ZNF248: variants seen among roughly 807,000 people sequenced by gnomAD.
ZNF248 encodes the protein zinc finger protein 248, also known as KRAB protein domain.
ZNF248 carries 20 observed loss-of-function variants against 44.3 expected under a neutral mutation model. The ratio of observed to expected loss-of-function variants is 0.45; its 90% confidence interval spans 0.32 to 0.66. The LOEUF is 0.66. Ranked by LOEUF, ZNF248 falls within the 30% of genes least tolerant of loss-of-function variation. The pLI, the probability that ZNF248 is intolerant of heterozygous loss-of-function variation, is 0.04. For missense variants in ZNF248, 654 were observed against 677.0 expected, an observed-to-expected ratio of 0.97 and a Z score of 0.38; for synonymous variants, 224 against 229.0, an observed-to-expected ratio of 0.98 and a Z score of 0.20.
chr10:37,777,953 G>C (rs2046793379), intron 6 of ZNF248, among the ~76,000 whole-genome samples: 1 of 151,814 alleles, frequency 6.6e-6, no homozygotes, highest in Non-Finnish European at 1.5e-5. Context: ...CATTTGGGTT[G>C]GTTCCAAGTC....
At chr10:37,774,329 C>T (rs2046414792), downstream of ZNF248, among the ~76,000 whole-genome samples, 1 of 152,192 alleles carries the variant, frequency 6.6e-6, no homozygotes, top group South Asian at 2.1e-4. Flanking sequence ...AAAAATCCTA[C>T]AGAAAATTAA....
chr10:37,839,656 A>G (rs1274451064), intron 3 of ZNF248, among the ~76,000 whole-genome samples: 3 of 152,202 alleles, frequency 2.0e-5, no homozygotes, highest in Admixed American at 6.5e-5. Flanking sequence ...GCATTTAACG[A>G]AAGACTATCA....
chr10:37,796,668 A>AT (rs898004294), intron 6 of ZNF248, among the ~76,000 whole-genome samples: 17 of 149,028 alleles, frequency 1.1e-4, no homozygotes, highest in African/African-American at 3.7e-4. Flanking sequence ...ACCAAATCCC[A>AT]TTTTCCCCCT....
chr10:37,849,944 G>A (rs544829727), intron 3 of ZNF248, among the ~76,000 whole-genome samples: 15 of 152,130 alleles, frequency 9.9e-5, no homozygotes, highest in African/African-American at 3.4e-4. Context: ...GGTGGCAGGT[G>A]CCTGTAATCC....
chr10:37,763,624 G>A, the ZNF248 span, among the ~76,000 whole-genome samples: 3 of 152,136 alleles, frequency 2.0e-5, no homozygotes, highest in Non-Finnish European at 4.4e-5. Context: ...ATTAAAGTAA[G>A]GATTTTAATG....
intron 6 of ZNF248, among the ~76,000 whole-genome samples, chr10:37,789,108 G>C (rs553031551): frequency 1.3e-5 from 2 of 152,238 alleles, no homozygotes; most frequent in South Asian, 4.1e-4. Flanking sequence ...TATAGACACA[G>C]GGCAGATCAG....
In ZNF248 at chr10:37,832,826, C is replaced by G. The variant is rs1420289394; in HGVS notation, c.529G>C (p.Asp177His). Reference sequence around the variant, plus strand: ...ATAGGGATTTTCTCATGCCTAATATCAAGGAGCAATTTCTCACATACATTA... The same window carrying G: ...ATAGGGATTTTCTCATGCCTAATATGAAGGAGCAATTTCTCACATACATTA... ...EFNVCEKLLL[D>H]IRHEKIPIGE... The change falls in exon 6 of 6, where the codon GAT becomes CAT. Residue 177 changes from aspartate (D) to histidine (H), a missense_variant. Transcript: ENST00000395867. 1 of 1,613,832 alleles carries G rather than the reference C, an allele frequency of 6.2e-7. No individual in the cohort carries two copies. The highest frequency in any genetic ancestry group is 2.2e-5 in the East Asian group (1 of 44,852).
chr10:37,812,031 T>A (rs1175792167), intron 6 of ZNF248, among the ~76,000 whole-genome samples: 2 of 151,706 alleles, frequency 1.3e-5, no homozygotes, highest in African/African-American at 4.8e-5. Flanking sequence ...AGCCCAGGAG[T>A]TCGAGACCAG....
downstream of ZNF248, among the ~76,000 whole-genome samples, chr10:37,771,631 G>A (rs1207243191): frequency 4.4e-5 from 6 of 137,478 alleles, no homozygotes; most frequent in Admixed American, 7.5e-5. Context: ...TTGTGGGGTG[G>A]AGGGAGGGGG....
chr10:37,793,581 G>A (rs2048808260), intron 6 of ZNF248, among the ~76,000 whole-genome samples: 1 of 152,068 alleles, frequency 6.6e-6, no homozygotes, highest in Non-Finnish European at 1.5e-5. Context: ...AATTCAGTGG[G>A]TCTAGTTCTA....
intron 3 of ZNF248, among the ~76,000 whole-genome samples, chr10:37,850,821 G>A (rs1225716310): frequency 1.3e-5 from 2 of 151,726 alleles, no homozygotes; most frequent in Non-Finnish European, 2.9e-5. Context: ...AATAGATGAA[G>A]TACTTAAATA....
chr10:37,818,751 G>A, intron 6 of ZNF248: 1 of 669,366 alleles, frequency 1.5e-6, no homozygotes, highest in Non-Finnish European at 2.6e-6. Context: ...CCTCCTTTTG[G>A]TAGGCCAAAC....
the ZNF248 span, among the ~76,000 whole-genome samples, chr10:37,759,934 AG>A: frequency 7.9e-5 from 12 of 152,124 alleles, no homozygotes; most frequent in Non-Finnish European, 1.6e-4. Flanking sequence ...GGCAGGGAGG[AG>A]GCAAAATCAG....
intron 6 of ZNF248, among the ~76,000 whole-genome samples, chr10:37,817,562 A>C (rs1332452011): frequency 6.6e-6 from 1 of 152,006 alleles, no homozygotes; most frequent in African/African-American, 2.4e-5. Flanking sequence ...GAGGGAAGCA[A>C]TTGCAAACAG....
intron 6 of ZNF248, among the ~76,000 whole-genome samples, chr10:37,822,325 GAAC>G (rs979030515): frequency 2.0e-5 from 3 of 151,938 alleles, no homozygotes; most frequent in African/African-American, 7.3e-5. Flanking sequence ...CTGAAAACGA[GAAC>G]AACAATTAAA....
the ZNF248 span, among the ~76,000 whole-genome samples, chr10:37,766,804 C>T: frequency 6.6e-6 from 1 of 152,104 alleles, no homozygotes; most frequent in Non-Finnish European, 1.5e-5. Context: ...GAGAAGAAGG[C>T]TTCAGATGAT....
At chr10:37,765,294 T>C in the ZNF248 span, among the ~76,000 whole-genome samples, 1 of 152,128 alleles carries the variant, frequency 6.6e-6, no homozygotes, top group South Asian at 2.1e-4. Context: ...CTTGAGCTGT[T>C]TAGGGAATGG....
intron 3 of ZNF248, among the ~76,000 whole-genome samples, chr10:37,855,330 G>A (rs1148292): frequency 0.042 from 6,446 of 152,194 alleles, 187 homozygotes; most frequent in Middle Eastern, 0.092. Context: ...ATGAACAGAG[G>A]AAGGGAGTGT....
chr10:37,765,712 C>T, the ZNF248 span, among the ~76,000 whole-genome samples: 1 of 152,210 alleles, frequency 6.6e-6, no homozygotes, highest in Non-Finnish European at 1.5e-5. Flanking sequence ...TCTGCATTTC[C>T]ATCTAAGGTA....
Sources: allele counts gnomAD v4.1 joint callset (sites outside exome capture counted in the v4.1 genomes callset), GRCh38; gene constraint gnomAD v4.1.1; transcripts MANE v1.5; gene names NCBI Gene and HGNC (gene_info 2026-07-23, HGNC 2026-07-21).